The following MTMR3 variants were observed in gnomAD, a reference collection of about 807,000 sequenced individuals.
MTMR3 encodes phosphatidylinositol-3,5-bisphosphate 3-phosphatase MTMR3.
Under a neutral mutation model 132.4 loss-of-function variants are expected in MTMR3, and 32 were observed. The observed-to-expected ratio is 0.24, with a 90% CI of 0.18 to 0.32. MTMR3 has a LOEUF of 0.32. MTMR3 is among the 10% of genes least tolerant of loss of function. The pLI is 1.00. For synonymous variants in MTMR3, 556 were observed against 550.3 expected (o/e 1.01, Z -0.14); for missense variants, 1,216 against 1,489.6 (o/e 0.82, Z 3.02).
intron 7 of MTMR3, chr22:29,993,315 G>A (rs1218864156): frequency 1.3e-5 from 2 of 151,824 alleles, no homozygotes; most frequent in African/African-American, 4.8e-5. Flanking sequence ...ATTTTTTATG[G>A]CTCTTTTCAA....
At chr22:29,901,270 A>T (rs1305219242) in intron 1 of MTMR3, among the ~76,000 whole-genome samples, 4 of 151,316 alleles carry the variant, frequency 2.6e-5, no homozygotes, top group South Asian at 2.1e-4. Context: ...ATATATATAT[A>T]TTTTAATATT....
intron 1 of MTMR3, among the ~76,000 whole-genome samples, chr22:29,945,718 G>GGA (rs1303299166): frequency 1.6e-5 from 2 of 124,388 alleles, no homozygotes; most frequent in African/African-American, 5.7e-5. Flanking sequence ...AAATGAAAAA[G>GGA]AAAAAAAAAA....
chr22:29,969,823 C>T lies in MTMR3; in HGVS notation c.-84-1153C>T, dbSNP rs139219726. Among the ~76,000 whole-genome samples, 424 of 152,314 alleles carry T rather than the reference C, an allele frequency of 2.8e-3. 1 individual carries two copies. Among genetic ancestry groups the T allele is most frequent in the African/African-American group, 9.4e-3 (392 of 41,570 alleles). On this transcript the variant is annotated intron_variant, in intron 2 of 19. Transcript: ENST00000401950. ...GGGATTACAGGCGTGAGCCACCACA[C>T]CCGGCCAAAATGATTCTTTAGAGTA...
chr22:29,962,900 T>C (rs73398640), intron 2 of MTMR3, among the ~76,000 whole-genome samples: 6,879 of 148,858 alleles, frequency 0.046, 534 homozygotes, highest in African/African-American at 0.16. Flanking sequence ...CATTCCTTTC[T>C]CTCTTTTTTC....
At chr22:29,966,763 GTGTGTGTGTC>G (rs767920223) in intron 2 of MTMR3, among the ~76,000 whole-genome samples, 1 of 132,922 alleles carries the variant, frequency 7.5e-6, no homozygotes, top group African/African-American at 2.9e-5. Context: ...GTGTGTGTGT[GTGTGTGTGTC>G]TGTCTCTGTG....
chr22:30,018,240 C>T (rs2067650231), intron 16 of MTMR3, 168 bp downstream of exon 16: 1 of 708,396 alleles, frequency 1.4e-6, no homozygotes, highest in African/African-American at 1.9e-5. Flanking sequence ...AGCTACGAGG[C>T]TGTAAGATCC....
intron 3 of MTMR3, among the ~76,000 whole-genome samples, chr22:29,977,766 C>G (rs1382953106): frequency 6.6e-6 from 1 of 152,198 alleles, no homozygotes; most frequent in Non-Finnish European, 1.5e-5. Context: ...TGTCACCTTT[C>G]ATTTTTAAAT....
rs2067954764 is a variant in MTMR3 at position 30,028,555 on chromosome 22, T to C, written c.*2754T>C. The C allele has an allele frequency of 1.3e-5, 2 of 152,296 alleles. No homozygotes were observed. The highest frequency in any genetic ancestry group is 1.5e-5 in the Non-Finnish European group (1 of 68,054). The allele number at this position is 152,296 out of a possible 1,614,324, so 9.4% of individuals were successfully genotyped here. The stretch of plus-strand genomic sequence containing the variant: ...ATCACATGGGTCTGTGGGTGAGATA[T>C]GTTATGCTGTTCCTCCCTCGGGAAG... On this transcript the variant is annotated 3_prime_UTR_variant, in exon 20 of 20. Coordinates refer to ENST00000401950, the MANE Select transcript of MTMR3 (RefSeq NM_021090.4).
At chr22:29,982,874 T>C (rs2066776691) in intron 5 of MTMR3, 2 of 152,094 alleles carry the variant, frequency 1.3e-5, no homozygotes, top group East Asian at 1.9e-4. Context: ...ACATAGTTCT[T>C]TGAAGCTTAG....
In MTMR3 at chr22:30,022,119, G is replaced by T. The variant is rs1411600764; in HGVS notation, c.3316G>T (p.Val1106Leu). 1 of 1,613,888 alleles carries T rather than the reference G, an allele frequency of 6.2e-7. No homozygotes were observed. Among genetic ancestry groups the T allele is most frequent in the Admixed American group, 1.7e-5 (1 of 60,028 alleles). The stretch of plus-strand genomic sequence containing the variant: ...TTTCTCTGAAGCCAGCTGGGAGCAG[G>T]TGGATAAACAGGACACAGAGGTACA... ...EIFSEASWEQ[V>L]DKQDTEMTRW... The change falls in exon 18 of 20, where the codon GTG becomes TTG. Residue 1106 changes from valine (V) to leucine (L), a missense_variant. Physicochemically the swap from Val to Leu is conservative, Grantham distance 32. Around this residue, in one of 7 missense-constraint regions of MTMR3, gnomAD observed 852 missense variants for 852.0 expected, o/e 1.00. Coordinates refer to ENST00000401950, the MANE Select transcript of MTMR3 (RefSeq NM_021090.4).
chr22:30,020,802 A>G lies in MTMR3; in HGVS notation c.3143A>G (p.Gln1048Arg), dbSNP rs755422050. Residue 1048 changes from glutamine (Q) to arginine (R), a missense_variant, in exon 17 of 20, where the codon CAA becomes CGA. Physicochemically the swap from Gln to Arg is conservative, Grantham distance 43. Around this residue, in one of 7 missense-constraint regions of MTMR3, gnomAD observed 852 missense variants for 852.0 expected, o/e 1.00. Coordinates refer to ENST00000401950, the MANE Select transcript of MTMR3 (RefSeq NM_021090.4). The stretch of plus-strand genomic sequence containing the variant: ...CAGGAAGTAGAAACTTTGAAGAAAC[A>G]AGTCCAGGAGCTGAAGAGTCGCCTG... ...HQQEVETLKK[Q>R]VQELKSRLES... is the part of the protein sequence containing the mutation. 3 of 1,613,296 alleles carry G rather than the reference A, an allele frequency of 1.9e-6. No individual in the cohort carries two copies. Among genetic ancestry groups the G allele is most frequent in the Non-Finnish European group, 2.5e-6 (3 of 1,179,718 alleles).
chr22:29,921,934 G>A (rs558722203), intron 1 of MTMR3, among the ~76,000 whole-genome samples: 1 of 147,974 alleles, frequency 6.8e-6, no homozygotes, highest in East Asian at 2.0e-4. Flanking sequence ...CTGCAACCTC[G>A]ACCTCTTGGG....
chr22:30,007,367 A>C lies in MTMR3; in HGVS notation c.877+48A>C. The C allele has an allele frequency of 1.9e-6, 3 of 1,570,194 alleles. No individual in the cohort carries two copies. The South Asian group carries it at 3.4e-5, about 18-fold the overall frequency. On this transcript the variant is annotated intron_variant, in intron 10 of 19. Coordinates refer to ENST00000401950, the MANE Select transcript of MTMR3 (RefSeq NM_021090.4). Reference sequence around the variant, plus strand: ...GGCAATGATTTTTATAGCATCTAAGAACCTTTTCTTGAAATGGCCTCTTCC... The same window carrying C: ...GGCAATGATTTTTATAGCATCTAAGCACCTTTTCTTGAAATGGCCTCTTCC...
chr22:30,001,411 G>A (rs950438024), intron 8 of MTMR3: 1 of 152,234 alleles, frequency 6.6e-6, no homozygotes, highest in African/African-American at 2.4e-5. Context: ...AAATTAGTTG[G>A]GCATGGTGGT....
At position 29,888,017 on chromosome 22, in the gene MTMR3, G is replaced by A. The variant is rs531617292; in HGVS notation, c.-138+4658G>A. ...TTTCTTTAGTAGTTAATACTGTTTTGTTTTGTTTTTTTTTTTGGACACAGA... is the reference window on the plus strand; with the variant it reads ...TTTCTTTAGTAGTTAATACTGTTTTATTTTGTTTTTTTTTTTGGACACAGA... On this transcript the variant is annotated intron_variant, in intron 1 of 19. Coordinates refer to ENST00000401950, the MANE Select transcript of MTMR3 (RefSeq NM_021090.4). Among the ~76,000 whole-genome samples the A allele has an allele frequency of 3.1e-4, 46 of 150,514 alleles. 1 individual carries two copies. In the Middle Eastern group the frequency reaches 0.021, roughly 68 times the overall value.
intron 9 of MTMR3, chr22:30,006,048 G>A (rs2067267632): frequency 6.6e-6 from 1 of 152,152 alleles, no homozygotes; most frequent in East Asian, 1.9e-4. Context: ...GTTGCCTTTT[G>A]TGACTGACTT....
At chr22:29,891,827 G>A (rs1235182230) in intron 1 of MTMR3, among the ~76,000 whole-genome samples, 1 of 151,976 alleles carries the variant, frequency 6.6e-6, no homozygotes, top group Non-Finnish European at 1.5e-5. Flanking sequence ...AGTTTTGCTG[G>A]TCCAGTTTAG....
chr22:29,917,247 T>C (rs1200305290), intron 1 of MTMR3, among the ~76,000 whole-genome samples: 2 of 152,252 alleles, frequency 1.3e-5, no homozygotes, highest in Admixed American at 6.5e-5. Flanking sequence ...GGTCATTGTT[T>C]AGGACTATAG....
In MTMR3 at chr22:29,978,455, G is replaced by T; in HGVS notation, c.17G>T (p.Arg6Leu). Residue 6 changes from arginine (R) to leucine (L), a missense_variant, in exon 4 of 20, where the codon CGG becomes CTG. By Grantham distance (102) the Arg-to-Leu change is moderately radical. Around this residue, in one of 7 missense-constraint regions of MTMR3, gnomAD observed 81 missense variants for 87.7 expected, o/e 0.92. Transcript: ENST00000401950. ...GGACTTTTCCAGGATGAAGAGACTC[G>T]GCACAGCCTTGAGTGCATCCAGGCC... Reference protein sequence around the residue: MDEETRHSLECIQANQ... With the variant: MDEETLHSLECIQANQ... 1 of 1,611,678 alleles carries T rather than the reference G, an allele frequency of 6.2e-7. No individual in the cohort carries two copies. The highest frequency in any genetic ancestry group is 1.1e-5 in the South Asian group (1 of 90,842).
Sources: allele counts gnomAD v4.1 joint callset (sites outside exome capture counted in the v4.1 genomes callset), GRCh38; gene constraint gnomAD v4.1.1; regional missense constraint gnomAD v4.1.1; transcripts MANE v1.5; gene names NCBI Gene and HGNC (gene_info 2026-07-23, HGNC 2026-07-21).